Variants in LRP6 observed in about 807,000 individuals in gnomAD.
The protein encoded by LRP6 is low-density lipoprotein receptor-related protein 6.
LRP6 carries 43 observed loss-of-function variants against 184.1 expected under a neutral mutation model. The ratio of observed to expected loss-of-function variants is 0.23; its 90% CI spans 0.18 to 0.30. The LOEUF (loss-of-function observed/expected upper bound fraction) is 0.30, where lower values mean the gene tolerates loss of function less well. Ranked by LOEUF, LRP6 falls within the 10% of genes least tolerant of loss-of-function variation. LRP6 has a pLI of 1.00. For missense variants in LRP6, 1,571 were observed against 2,005.3 expected (o/e 0.78, Z 4.14); for synonymous variants, 719 against 684.9 (o/e 1.05, Z -0.78).
At chr12:12,162,480 A>AGGTTT in intron 9 of LRP6, 61 bp from the exon 10 acceptor site, 2 of 1,461,688 alleles carry the variant, frequency 1.4e-6, no homozygotes, top group African/African-American at 1.4e-5. Context: ...TCCAGAAAGA[A>AGGTTT]GGTTTGGTTT....
intron 1 of LRP6, 150 bp from the exon 2 acceptor site, chr12:12,244,805 C>T (rs1053848853): frequency 4.2e-6 from 3 of 707,586 alleles, no homozygotes; most frequent in East Asian, 2.8e-5. Flanking sequence ...AAACTTCACA[C>T]ACAAAATATT....
At chr12:12,222,401 A>ACTAAAAATACAAAAAAATT (rs1365204567) in intron 2 of LRP6, among the ~76,000 whole-genome samples, 1 of 151,904 alleles carries the variant, frequency 6.6e-6, no homozygotes, top group Non-Finnish European at 1.5e-5. Context: ...CCTCATCTCT[A>ACTAAAAATACAAAAAAATT]CTAAAAATAC....
At chr12:12,230,386 C>A (rs1402709925) in intron 2 of LRP6, among the ~76,000 whole-genome samples, 2 of 152,168 alleles carry the variant, frequency 1.3e-5, no homozygotes, top group South Asian at 4.2e-4. Flanking sequence ...AATCTGAATT[C>A]GGCTTCCCAT....
chr12:12,230,764 T>TA (rs1864762825), intron 2 of LRP6, among the ~76,000 whole-genome samples: 1 of 152,198 alleles, frequency 6.6e-6, no homozygotes. Context: ...CTAGAACTAC[T>TA]GGTGAATCTT....
At chr12:12,252,005 T>C (rs981321415) in intron 1 of LRP6, among the ~76,000 whole-genome samples, 1 of 152,136 alleles carries the variant, frequency 6.6e-6, no homozygotes, top group South Asian at 2.1e-4. Flanking sequence ...ACGATCCTCC[T>C]GCCTCAGCCT....
At chr12:12,169,235 A>ATAAT in intron 7 of LRP6, among the ~76,000 whole-genome samples, 1 of 110,262 alleles carries the variant, frequency 9.1e-6, no homozygotes, top group Non-Finnish European at 2.2e-5. Flanking sequence ...CCTCAAAATG[A>ATAAT]TAATAATAAT....
At chr12:12,176,879 T>C (rs58599483) in intron 7 of LRP6, among the ~76,000 whole-genome samples, 2 of 150,918 alleles carry the variant, frequency 1.3e-5, no homozygotes, top group African/African-American at 2.4e-5. Context: ...CAGAGTCTTG[T>C]TCTTGTCCCC....
At chr12:12,185,826 TTGTG>T (rs35641659) in intron 4 of LRP6, among the ~76,000 whole-genome samples, 1 of 148,786 alleles carries the variant, frequency 6.7e-6, no homozygotes, top group African/African-American at 2.4e-5. Context: ...AGAGGCGTTT[TTGTG>T]TGTGTGTGTG....
At chr12:12,231,635 G>A (rs1021075003) in intron 2 of LRP6, among the ~76,000 whole-genome samples, 2 of 151,924 alleles carry the variant, frequency 1.3e-5, no homozygotes, top group Admixed American at 1.3e-4. Flanking sequence ...CGGGCACAGT[G>A]GCTCATGCCT....
Position 12,228,180 on chromosome 12 carries a change from G to A in LRP6, c.449+16082C>T, listed in dbSNP as rs757989571. Among the ~76,000 whole-genome samples the A allele has an allele frequency of 4.9e-4, 74 of 152,228 alleles. 1 individual carries two copies. The highest frequency in any genetic ancestry group is 1.7e-3 in the South Asian group (8 of 4,828). The stretch of plus-strand genomic sequence containing the variant: ...GAGGTCGGGAGCTCAGGACCAGCCT[G>A]GCCAACATGGTGAAACCCCCGTTTC... On this transcript the variant is annotated intron_variant, in intron 2 of 22. Coordinates refer to ENST00000261349, the MANE Select transcript of LRP6 (RefSeq NM_002336.3).
chr12:12,185,838 GTGTTTTT>G (rs981054283), intron 4 of LRP6, among the ~76,000 whole-genome samples: 5 of 122,800 alleles, frequency 4.1e-5, no homozygotes, highest in African/African-American at 1.4e-4. Flanking sequence ...GTGTGTGTGT[GTGTTTTT>G]TGTTTTTTTT....
At chr12:12,147,207 T>C (rs1950021145) in intron 15 of LRP6, among the ~76,000 whole-genome samples, 159 bp downstream of exon 15, 1 of 152,148 alleles carries the variant, frequency 6.6e-6, no homozygotes, top group South Asian at 2.1e-4. Context: ...ATGTTGACAG[T>C]TGAAGAAAAA....
Position 12,266,946 on chromosome 12 carries a change from C to T in LRP6, c.-211G>A, listed in dbSNP as rs948462880. ...GCTCGGCCCCGGGCTCGCGCGACGC[C>T]AGCGTCTGCTTCCATCCCGCCGCCT... On this transcript the variant is annotated 5_prime_UTR_variant, in exon 1 of 23. An upstream open reading frame in the 5' UTR gains an earlier in-frame stop. Coordinates refer to ENST00000261349, the MANE Select transcript of LRP6 (RefSeq NM_002336.3). 9 of 571,572 alleles carry T rather than the reference C, an allele frequency of 1.6e-5. No individual in the cohort carries two copies. The South Asian group carries it at 1.9e-4, about 12-fold the overall frequency. 35.4% of individuals were successfully genotyped at this position (571,572 alleles called of 1,614,324 possible). A position where few individuals can be genotyped will look rare whatever the true frequency, so the allele number is the denominator to read the frequency against.
intron 15 of LRP6, among the ~76,000 whole-genome samples, chr12:12,141,861 A>G (rs1235145629): frequency 6.6e-6 from 1 of 152,210 alleles, no homozygotes. Flanking sequence ...GTCTAGACTT[A>G]AAAAAATTAT....
intron 2 of LRP6, among the ~76,000 whole-genome samples, chr12:12,206,539 T>A (rs1166735330): frequency 2.5e-5 from 1 of 39,864 alleles, no homozygotes; most frequent in African/African-American, 1.2e-4. Flanking sequence ...CGAGACTCCA[T>A]CTCAAAAAAA....
intron 15 of LRP6, among the ~76,000 whole-genome samples, chr12:12,143,947 C>T (rs1591881068): frequency 6.6e-6 from 1 of 151,976 alleles, no homozygotes; most frequent in Non-Finnish European, 1.5e-5. Context: ...CCATAGTGTA[C>T]GTTGTACGCA....
intron 1 of LRP6, 99 bp downstream of exon 1, chr12:12,266,582 C>T (rs1294389211): frequency 1.8e-6 from 2 of 1,088,430 alleles, no homozygotes; most frequent in Non-Finnish European, 2.7e-6. Flanking sequence ...CTCCTCTCCC[C>T]TTCTCCCTTC....
At chr12:12,188,424 G>T (rs556021467) in intron 3 of LRP6, among the ~76,000 whole-genome samples, 4 of 152,202 alleles carry the variant, frequency 2.6e-5, no homozygotes, top group Admixed American at 1.3e-4. Flanking sequence ...ATAAGCTACT[G>T]AAGAGAAATT....
intron 2 of LRP6, among the ~76,000 whole-genome samples, chr12:12,239,844 C>T (rs1865016653): frequency 6.6e-6 from 1 of 152,090 alleles, no homozygotes; most frequent in Non-Finnish European, 1.5e-5. Flanking sequence ...AGTTATACTA[C>T]AACTACTCCC....
Sources: gnomAD v4.1 joint callset for allele counts (sites outside exome capture counted in the v4.1 genomes callset) on GRCh38, gnomAD v4.1.1 for gene constraint, MANE v1.5 for transcripts, NCBI Gene and HGNC (gene_info 2026-07-23, HGNC 2026-07-21) for gene names.